The following KIF19 variants were observed in gnomAD, a reference collection of about 807,000 sequenced individuals.
The protein encoded by KIF19 is kinesin-like protein KIF19.
In KIF19, 98 loss-of-function variants were observed where a neutral mutation model predicts 106.6. The observed-to-expected ratio is 0.92, with a 90% CI of 0.78 to 1.09. KIF19 has a LOEUF of 1.09. Among genes scored for constraint, KIF19 ranks in the 50% least tolerant of loss-of-function variants. KIF19 has a pLI of 0.00. For missense variants in KIF19, 1,373 were observed against 1,414.3 expected (o/e 0.97, Z 0.47); for synonymous variants, 516 against 584.2 (o/e 0.88, Z 1.68).
At chr17:74,339,903 G>A (rs772933146) in intron 2 of KIF19, among the ~76,000 whole-genome samples, 8 of 152,178 alleles carry the variant, frequency 5.3e-5, no homozygotes, top group South Asian at 2.1e-4. Context: ...CCTTCTCCAC[G>A]GTGAGGGTGG....
chr17:74,340,667 C>T (rs949820043), intron 2 of KIF19, among the ~76,000 whole-genome samples: 2 of 152,236 alleles, frequency 1.3e-5, no homozygotes. Context: ...CCCTCTGCCT[C>T]CCTTTCCACC....
At chr17:74,338,735 C>G (rs1486848531) in intron 2 of KIF19, among the ~76,000 whole-genome samples, 1 of 151,846 alleles carries the variant, frequency 6.6e-6, no homozygotes, top group Non-Finnish European at 1.5e-5. Context: ...GGTGGGAGCC[C>G]CAGGGCTGTC....
chr17:74,345,505 C>T (rs1239737891), intron 7 of KIF19, among the ~76,000 whole-genome samples: 3 of 152,102 alleles, frequency 2.0e-5, no homozygotes, highest in Admixed American at 2.0e-4. Context: ...TTTGTGGCAG[C>T]ACCTTTGTCC....
In KIF19 at chr17:74,353,186, C is replaced by A; in HGVS notation, c.2115-10C>A. 2 of 1,574,334 alleles carry A rather than the reference C, an allele frequency of 1.3e-6. No individual in the cohort carries two copies. Among genetic ancestry groups the A allele is most frequent in the South Asian group, 2.3e-5 (2 of 85,684 alleles). ...GTCTACAGCCACTCATCTTCCTCTG[C>A]CAACTTCAGTGAAGGCCACCACGTG... On this transcript the variant is annotated splice_polypyrimidine_tract_variant and intron_variant, in intron 15 of 19. Transcript: ENST00000389916.
chr17:74,350,408 C>T lies in KIF19; in HGVS notation c.1221C>T (p.Val407=), dbSNP rs1461374605. The T allele has an allele frequency of 6.3e-7, 1 of 1,597,454 alleles. No individual in the cohort carries two copies. Among genetic ancestry groups the T allele is most frequent in the South Asian group, 1.1e-5 (1 of 88,502 alleles). The change falls in exon 11 of 20, where the codon GTC becomes GTT. Residue 407 remains valine, a synonymous_variant. Transcript: ENST00000389916. ...RGDIRHIQAE[V]QLHSGQGEKA... is the part of the protein sequence containing the mutation. Reference sequence around the variant, plus strand: ...ACCCTCACCCATCGGCAGCTGAGGTCCAGCTGCACAGCGGGCAGGGTGAGA... The same window carrying T: ...ACCCTCACCCATCGGCAGCTGAGGTTCAGCTGCACAGCGGGCAGGGTGAGA...
chr17:74,347,792 A>C lies in KIF19; in HGVS notation c.940A>C (p.Asn314His). The C allele has an allele frequency of 6.3e-7, 1 of 1,588,564 alleles. No individual in the cohort carries two copies. The highest frequency in any genetic ancestry group is 8.6e-7 in the Non-Finnish European group (1 of 1,168,052). ...TRLLKDSLGG[N>H]SRTVMIAHIS... is the part of the protein sequence containing the mutation. ...TCCCATCCAGGACTCTCTGGGAGGA[A>C]ACAGCCGCACAGTGATGATCGCTCA... The change falls in exon 9 of 20, where the codon AAC (asparagine) becomes CAC (histidine). Residue 314 changes from asparagine (N) to histidine (H), a missense_variant. Physicochemically the swap from Asn to His is moderately conservative, Grantham distance 68. Coordinates refer to ENST00000389916, the MANE Select transcript of KIF19 (RefSeq NM_153209.4).
intron 19 of KIF19, 95 bp from the exon 20 acceptor site, chr17:74,355,087 G>T: frequency 6.5e-7 from 1 of 1,542,646 alleles, no homozygotes; most frequent in East Asian, 2.3e-5. Context: ...GCATCCTGGG[G>T]TGGTGCCCCT....
At chr17:74,350,367 C>T in intron 10 of KIF19, 34 bp from the exon 11 acceptor site, 3 of 1,542,248 alleles carry the variant, frequency 1.9e-6, no homozygotes, top group Non-Finnish European at 1.8e-6. Flanking sequence ...AACTTGCCGC[C>T]TCCTCTACCT....
chr17:74,354,701 C>A, intron 18 of KIF19, 81 bp from the exon 19 acceptor site: 1 of 1,524,004 alleles, frequency 6.6e-7, no homozygotes, highest in Non-Finnish European at 8.8e-7. Flanking sequence ...CTGTCCCCAG[C>A]CTAGCATAGT....
chr17:74,339,039 C>G (rs530581042), intron 2 of KIF19, among the ~76,000 whole-genome samples: 1 of 151,968 alleles, frequency 6.6e-6, no homozygotes, highest in East Asian at 1.9e-4. Flanking sequence ...TCCTCAGTAC[C>G]CTGCCCGCTG....
rs1275966206 is a variant in KIF19 at position 74,350,629 on chromosome 17, G to A, written c.1388+54G>A. The A allele has an allele frequency of 3.1e-6, 5 of 1,609,324 alleles. No homozygotes were observed. The African/African-American group carries it at 4.0e-5, about 13-fold the overall frequency. On this transcript the variant is annotated intron_variant, in intron 11 of 19. Coordinates refer to ENST00000389916, the MANE Select transcript of KIF19 (RefSeq NM_153209.4). Reference sequence around the variant, plus strand: ...CCCCACCCCTGTGCCTGGGACAGAGGAGCACGACCTGTGGCTGTACAGTGT... The same window carrying A: ...CCCCACCCCTGTGCCTGGGACAGAGAAGCACGACCTGTGGCTGTACAGTGT...
chr17:74,343,897 G>A (rs1374371220), intron 5 of KIF19, among the ~76,000 whole-genome samples: 1 of 152,130 alleles, frequency 6.6e-6, no homozygotes, highest in East Asian at 1.9e-4. Context: ...CTAGGTCAAT[G>A]TCACACAGTA....
intron 6 of KIF19, 70 bp from the exon 7 acceptor site, chr17:74,344,691 C>G: frequency 2.7e-6 from 4 of 1,483,298 alleles, no homozygotes; most frequent in South Asian, 1.2e-5. Flanking sequence ...TGCTAGCCCC[C>G]TCAGGGGCTC....
Position 74,347,898 on chromosome 17 carries a change from G to C in KIF19, c.1046G>C (p.Arg349Thr), listed in dbSNP as rs756119895. 9 of 1,579,700 alleles carry C rather than the reference G, an allele frequency of 5.7e-6. No individual in the cohort carries two copies. Among genetic ancestry groups the C allele is most frequent in the Middle Eastern group, 3.4e-4 (2 of 5,830 alleles). ...GGCCGGGCCAAGAACATTAAGACTA[G>C]GGTGAGGGCCCCTGGACCGTCCACC... ...YAGRAKNIKT[R>T]VKQNLLNVSY... Residue 349 changes from arginine to threonine, a missense_variant and splice_region_variant, in exon 9 of 20, where the codon AGG becomes ACG. Coordinates refer to ENST00000389916, the MANE Select transcript of KIF19 (RefSeq NM_153209.4).
At position 74,355,221 on chromosome 17, in the gene KIF19, CA is replaced by C. The variant is rs2054847918; in HGVS notation, c.2907del (p.Gly970ValfsTer60). On this transcript the variant is annotated frameshift_variant, in exon 20 of 20. Coordinates refer to ENST00000389916, the MANE Select transcript of KIF19 (RefSeq NM_153209.4). LOFTEE classifies it low-confidence loss of function (END_TRUNC). ...DSSPLAVPPN[P>X]GGGSRRATRG... ...TCACCCCTGGCTGTTCCCCCCAACCCAGGTGGTGGTTCTCGACGGGCTACCC... is the reference window on the plus strand; with the variant it reads ...TCACCCCTGGCTGTTCCCCCCAACCCGGTGGTGGTTCTCGACGGGCTACCC... 1 of 1,612,500 alleles carries C rather than the reference CA, an allele frequency of 6.2e-7. No homozygotes were observed.
chr17:74,326,865 CCTGGTTCTTGGG>C (rs1368352531), intron 1 of KIF19, among the ~76,000 whole-genome samples: 1 of 75,062 alleles, frequency 1.3e-5, no homozygotes, highest in African/African-American at 3.0e-5. Flanking sequence ...GCCCGGAGTG[CCTGGTTCTTGGG>C]CTGCAACACG....
intron 9 of KIF19, chr17:74,348,892 T>G: frequency 7.0e-6 from 3 of 425,762 alleles, no homozygotes; most frequent in Non-Finnish European, 1.3e-5. Flanking sequence ...TCAACTGGAG[T>G]GGGATGTTCA....
intron 12 of KIF19, 28 bp downstream of exon 12, chr17:74,350,933 A>G (rs375715248): frequency 2.5e-6 from 4 of 1,610,678 alleles, no homozygotes; most frequent in Non-Finnish European, 3.4e-6. Flanking sequence ...GGACAAGGAG[A>G]GTGGGTTTAG....
At position 74,354,530 on chromosome 17, in the gene KIF19, TC is replaced by T; in HGVS notation, c.2680del (p.Arg894AspfsTer136). 2 of 1,599,890 alleles carry T rather than the reference TC, an allele frequency of 1.3e-6. No individual in the cohort carries two copies. The highest frequency in any genetic ancestry group is 1.7e-6 in the Non-Finnish European group (2 of 1,174,402). The stretch of plus-strand genomic sequence containing the variant: ...GGAGGCAAAGAGAAGGAAGCGGAGG[TC>T]CCGATCCTTCGAGGTCACCGGGCAA... ...SLEAKRRKRR[S>X]RSFEVTGQGL... is the part of the protein sequence containing the mutation. On this transcript the variant is annotated frameshift_variant, in exon 18 of 20. Coordinates refer to ENST00000389916, the MANE Select transcript of KIF19 (RefSeq NM_153209.4). LOFTEE classifies it high-confidence loss of function.
Sources: allele counts gnomAD v4.1 joint callset (sites outside exome capture counted in the v4.1 genomes callset), GRCh38; gene constraint gnomAD v4.1.1; transcripts MANE v1.5; gene names NCBI Gene and HGNC (gene_info 2026-07-23, HGNC 2026-07-21).